Variants in CLK3 observed in about 807,000 individuals in gnomAD.
The protein encoded by CLK3 is dual specificity protein kinase CLK3.
A neutral mutation model predicts 65.2 loss-of-function variants in CLK3; 24 were observed. The observed-to-expected ratio is 0.37, with a 90% CI of 0.27 to 0.52. The LOEUF is 0.52. Ranked by LOEUF, CLK3 falls within the 20% of genes least tolerant of loss-of-function variation. The pLI is 0.92. For missense variants in CLK3, 506 were observed against 660.0 expected (o/e 0.77, Z 2.56); for synonymous variants, 252 against 240.8 (o/e 1.05, Z -0.43).
upstream of CLK3, chr15:74,614,819 T>A (rs2062036369): frequency 6.6e-6 from 1 of 151,572 alleles, no homozygotes; most frequent in Admixed American, 6.6e-5. Context: ...GAGGGGGCGG[T>A]GCCTGGAGGG....
At position 74,627,836 on chromosome 15, in the gene CLK3, C is replaced by A; in HGVS notation, c.1043-134C>A. 1.7e-6 allele frequency: 2 copies of A among 1,208,002 alleles called. No individual in the cohort carries two copies. The highest frequency in any genetic ancestry group is 2.4e-6 in the Non-Finnish European group (2 of 829,308). 74.8% of individuals were successfully genotyped at this position (1,208,002 alleles called of 1,614,324 possible). On this transcript the variant is annotated intron_variant, in intron 9 of 12. Transcript: ENST00000395066. This position sits in a 1 kb window ranked among gnomAD's most constrained non-coding sequence, Gnocchi z 4.3. ...AGGTGACTGACCTGGCTTTATCTGT[C>A]AGCCTTACTGAGAGAGGGCCTCGTA... is the stretch of plus-strand genomic sequence containing the variant.
chr15:74,614,762 G>C, upstream of CLK3: 1 of 152,164 alleles, frequency 6.6e-6, no homozygotes, highest in South Asian at 2.1e-4. Flanking sequence ...GCGGCCGCCG[G>C]GGCGGTGCTG....
chr15:74,616,043 C>A (rs984786476), intron 1 of CLK3, 145 bp downstream of exon 1: 3 of 588,214 alleles, frequency 5.1e-6, no homozygotes, highest in Admixed American at 4.4e-5. Flanking sequence ...CGACCTCTCA[C>A]CCCTGACCCG....
intron 6 of CLK3, 32 bp from the exon 7 acceptor site, chr15:74,625,770 C>T: frequency 6.2e-7 from 1 of 1,612,492 alleles, no homozygotes; most frequent in Non-Finnish European, 8.5e-7. Context: ...CCCCAGCACA[C>T]AGCCTGAGCC....
intron 12 of CLK3, chr15:74,629,352 G>A (rs1596292766): frequency 5.6e-6 from 3 of 531,098 alleles, no homozygotes; most frequent in South Asian, 4.0e-5. Flanking sequence ...CAGGACTGAG[G>A]TGAGGGGGAG....
intron 1 of CLK3, among the ~76,000 whole-genome samples, chr15:74,609,647 A>G (rs2061961929): frequency 6.6e-6 from 1 of 152,164 alleles, no homozygotes; most frequent in South Asian, 2.1e-4. Context: ...CTGTGTCCTG[A>G]GCCTGGGCAG....
chr15:74,614,200 G>A (rs1339174578), upstream of CLK3, among the ~76,000 whole-genome samples: 3 of 152,196 alleles, frequency 2.0e-5, no homozygotes, highest in Non-Finnish European at 2.9e-5. Context: ...TTTTAGTAGA[G>A]ACGGGGTTTC....
In CLK3 at chr15:74,624,771, C is replaced by A; in HGVS notation, c.534-131C>A. The A allele has an allele frequency of 1.5e-6, 1 of 675,486 alleles. No homozygotes were observed. The highest frequency in any genetic ancestry group is 1.7e-5 in the South Asian group (1 of 59,182). 41.8% of individuals were successfully genotyped at this position (675,486 alleles called of 1,614,324 possible). On this transcript the variant is annotated intron_variant, in intron 5 of 12. Coordinates refer to ENST00000395066, the MANE Select transcript of CLK3 (RefSeq NM_001130028.2). This position sits in a 1 kb window ranked among gnomAD's most constrained non-coding sequence, Gnocchi z 4.2. ...TGTTGCATGGGGCAGGCTGGGCATCCAGTATCTGCTCTCTTCAGTGCCGGC... is the reference window on the plus strand; with the variant it reads ...TGTTGCATGGGGCAGGCTGGGCATCAAGTATCTGCTCTCTTCAGTGCCGGC...
Position 74,619,247 on chromosome 15 carries a change from C to G in CLK3, c.51C>G (p.Ser17Arg). ...CCCCTGAACCAGACCCGTACCTGAG[C>G]TACCGATGGAAGAGGAGGAGGTCCT... ...YRSPEPDPYL[S>R]YRWKRRRSYS... Residue 17 changes from serine (S) to arginine (R), a missense_variant, in exon 2 of 13, where the codon AGC becomes AGG. Ser to Arg is a moderately radical substitution (Grantham distance 110). Transcript: ENST00000395066. 6.2e-7 allele frequency: 1 copy of G among 1,614,196 alleles called. No individual in the cohort carries two copies. Among genetic ancestry groups the G allele is most frequent in the East Asian group, 2.2e-5 (1 of 44,892 alleles).
chr15:74,615,629 G>A (rs762139395), upstream of CLK3: 3 of 1,252,620 alleles, frequency 2.4e-6, no homozygotes, highest in East Asian at 3.2e-5. Flanking sequence ...CGACACGGCG[G>A]GAGGCGGGCC....
rs141358186 is a variant in CLK3, at chr15:74,622,767, C to T, written c.533+207C>T. 2.5e-4 allele frequency among the ~76,000 whole-genome samples: 38 copies of T among 152,318 alleles called. No individual in the cohort carries two copies. In the East Asian group the frequency reaches 6.0e-3, roughly 24 times the overall value. ...ATTCTTGGGTCCTGCAGTTATGTGG[C>T]ATCCCTACCCAAGAATTGTTGGTCA... On this transcript the variant is annotated intron_variant, in intron 5 of 12. Transcript: ENST00000395066. The surrounding 1 kb of genome is among the most constrained non-coding windows in gnomAD (Gnocchi z 4.6).
chr15:74,627,123 A>C lies in CLK3; in HGVS notation c.818-229A>C, dbSNP rs530021204. 1.6e-6 allele frequency: 1 copy of C among 633,154 alleles called. No homozygotes were observed. The allele number at this position is 633,154 out of a possible 1,614,324, so 39.2% of individuals were successfully genotyped here. A position where few individuals can be genotyped will look rare whatever the true frequency, so the allele number is the denominator to read the frequency against. ...TGGAGGGAGGTTTTTCGAATGGCAA[A>C]TTTCTTTCCTACCCCCCTGCTAAAG... On this transcript the variant is annotated intron_variant, in intron 7 of 12. Coordinates refer to ENST00000395066, the MANE Select transcript of CLK3 (RefSeq NM_001130028.2). This position sits in a 1 kb window ranked among gnomAD's most constrained non-coding sequence, Gnocchi z 4.3.
rs190575260 is a variant in CLK3, at chr15:74,622,409, T to C, written c.467-85T>C. 1.4e-3 allele frequency: 1,707 copies of C among 1,180,070 alleles called. 11 individuals carry two copies. The highest frequency in any genetic ancestry group is 9.0e-4 in the Non-Finnish European group (738 of 815,996). 73.1% of individuals were successfully genotyped at this position (1,180,070 alleles called of 1,614,324 possible). A position where few individuals can be genotyped will look rare whatever the true frequency, so the allele number is the denominator to read the frequency against. On this transcript the variant is annotated intron_variant, in intron 4 of 12. Transcript: ENST00000395066. This position sits in a 1 kb window ranked among gnomAD's most constrained non-coding sequence, Gnocchi z 4.6. ...AGTGAGAGAGAAACCTTTTTTGTTT[T>C]TGAGAATTTGAATGCTGTGAACTTG... is the stretch of plus-strand genomic sequence containing the variant.
chr15:74,628,535 G>T lies in CLK3; in HGVS notation c.1126-69G>T, dbSNP rs573969891. 66 of 1,178,120 alleles carry T rather than the reference G, an allele frequency of 5.6e-5. No individual in the cohort carries two copies. In the African/African-American group the frequency reaches 9.1e-4, roughly 16 times the overall value. 73.0% of individuals were successfully genotyped at this position (1,178,120 alleles called of 1,614,324 possible). A position where few individuals can be genotyped will look rare whatever the true frequency, so the allele number is the denominator to read the frequency against. On this transcript the variant is annotated intron_variant, in intron 10 of 12. Transcript: ENST00000395066. ...GTGAGGGCACTTGCCCATCTTTCTT[G>T]TTCCTTTTTCTCCTTGAAGGGGCCA...
At chr15:74,623,527 G>A (rs2062119895) in intron 5 of CLK3, 1 of 152,282 alleles carries the variant, frequency 6.6e-6, no homozygotes, top group East Asian at 1.9e-4. Flanking sequence ...CTGAGAGGAA[G>A]TGTCCATTTG....
At chr15:74,618,278 G>A (rs1421519061) in intron 1 of CLK3, among the ~76,000 whole-genome samples, 4 of 152,202 alleles carry the variant, frequency 2.6e-5, no homozygotes, top group Admixed American at 2.0e-4. Flanking sequence ...AGCTTTCTCC[G>A]CTGGTGGCAG....
Position 74,622,373 on chromosome 15 carries a change from A to T in CLK3, c.467-121A>T. ...ACAGACACTAGCAACTTCCATTTTTAAGAGTGTAGCAGTGAGAGAGAAACC... is the reference window on the plus strand; with the variant it reads ...ACAGACACTAGCAACTTCCATTTTTTAGAGTGTAGCAGTGAGAGAGAAACC... On this transcript the variant is annotated intron_variant, in intron 4 of 12. Transcript: ENST00000395066. The surrounding 1 kb of genome is among the most constrained non-coding windows in gnomAD (Gnocchi z 4.6). The T allele has an allele frequency of 9.5e-7, 1 of 1,053,070 alleles. No homozygotes were observed. Among genetic ancestry groups the T allele is most frequent in the Non-Finnish European group, 1.4e-6 (1 of 704,472 alleles). The allele number at this position is 1,053,070 out of a possible 1,614,324, so 65.2% of individuals were successfully genotyped here.
chr15:74,622,082 G>A lies in CLK3; in HGVS notation c.370-38G>A, dbSNP rs746675701. ...TGTCAATCGGAACCGCCTACCATGC[G>A]ATTGGTCGGATGGCGTTTCGGGGGG... On this transcript the variant is annotated intron_variant, in intron 3 of 12. Transcript: ENST00000395066. The surrounding 1 kb of genome is among the most constrained non-coding windows in gnomAD (Gnocchi z 4.6). The A allele has an allele frequency of 4.4e-6, 7 of 1,593,772 alleles. No individual in the cohort carries two copies. Among genetic ancestry groups the A allele is most frequent in the Admixed American group, 1.7e-5 (1 of 59,956 alleles).
At chr15:74,617,953 A>G (rs2062073637) in intron 1 of CLK3, among the ~76,000 whole-genome samples, 1 of 152,190 alleles carries the variant, frequency 6.6e-6, no homozygotes, top group Non-Finnish European at 1.5e-5. Context: ...TACACGGGGG[A>G]AGACAAGTTA....
Sources: gnomAD v4.1 joint callset for allele counts (sites outside exome capture counted in the v4.1 genomes callset) on GRCh38, gnomAD v4.1.1 for gene constraint, Gnocchi (gnomAD v3.1) non-coding constraint, MANE v1.5 for transcripts, NCBI Gene and HGNC (gene_info 2026-07-23, HGNC 2026-07-21) for gene names.